Variants in KLF13 observed in about 807,000 individuals in gnomAD.
The protein encoded by KLF13 is KLF transcription factor 13.
Under a neutral mutation model 16.7 loss-of-function variants are expected in KLF13, and 8 were observed. The observed-to-expected ratio is 0.48, with a 90% CI of 0.28 to 0.87. The LOEUF is 0.87. Ranked by LOEUF, KLF13 falls within the 40% of genes least tolerant of loss-of-function variation. The pLI, the probability that KLF13 is intolerant of heterozygous loss-of-function variation, is 0.10. For synonymous variants in KLF13, 245 were observed against 208.4 expected, an observed-to-expected ratio of 1.18 and a Z score of -1.51; for missense variants, 447 against 452.2, an observed-to-expected ratio of 0.99 and a Z score of 0.10.
intron 1 of KLF13, among the ~76,000 whole-genome samples, chr15:31,328,156 A>C (rs990515863): frequency 5.4e-5 from 8 of 148,622 alleles, no homozygotes; most frequent in African/African-American, 1.7e-4. Context: ...CGCAGGCGGC[A>C]CTCGTGACGG....
At chr15:31,350,157 G>A (rs1464078304) in intron 1 of KLF13, among the ~76,000 whole-genome samples, 3 of 152,240 alleles carry the variant, frequency 2.0e-5, no homozygotes, top group Non-Finnish European at 4.4e-5. Context: ...AAGCCAATAT[G>A]CCCATTACAG....
chr15:31,387,836 T>G (rs2039811100), intron 1 of KLF13, among the ~76,000 whole-genome samples: 1 of 152,202 alleles, frequency 6.6e-6, no homozygotes, highest in African/African-American at 2.4e-5. Flanking sequence ...GACCAGCCTG[T>G]GATCAGGCTG....
At chr15:31,333,230 C>T (rs1014973090) in intron 1 of KLF13, among the ~76,000 whole-genome samples, 3 of 152,168 alleles carry the variant, frequency 2.0e-5, no homozygotes, top group Non-Finnish European at 4.4e-5. Context: ...GAAGCTAAGG[C>T]TCCAGTGCTT....
chr15:31,339,424 A>T (rs925011411), intron 1 of KLF13, among the ~76,000 whole-genome samples: 3 of 152,184 alleles, frequency 2.0e-5, no homozygotes, highest in Admixed American at 2.0e-4. Flanking sequence ...GGGGCAGCAC[A>T]GAGGACCCCC....
At chr15:31,327,926 C>G in intron 1 of KLF13, 137 bp downstream of exon 1, 2 of 1,028,002 alleles carry the variant, frequency 1.9e-6, no homozygotes, top group South Asian at 4.6e-5. Context: ...GCCCCTTCCC[C>G]TGCCGCTCCG....
upstream of KLF13, among the ~76,000 whole-genome samples, chr15:31,388,095 G>C (rs1595491075): frequency 6.6e-6 from 1 of 152,354 alleles, no homozygotes; most frequent in East Asian, 1.9e-4. Flanking sequence ...AGGAGTCGAA[G>C]TCATCTGTCC....
intron 1 of KLF13, among the ~76,000 whole-genome samples, chr15:31,329,676 A>G (rs567296083): frequency 3.3e-5 from 5 of 152,344 alleles, no homozygotes; most frequent in South Asian, 2.1e-4. Flanking sequence ...GTTTCCTCGG[A>G]GCGCCTGGAA....
chr15:31,384,822 A>T (rs1353718122), intron 1 of KLF13, among the ~76,000 whole-genome samples: 1 of 152,210 alleles, frequency 6.6e-6, no homozygotes, highest in Non-Finnish European at 1.5e-5. Context: ...GCACCACAAA[A>T]GCAAGCTGCT....
chr15:31,399,131 G>A (rs1156812824), intron 2 of KLF13, among the ~76,000 whole-genome samples: 1 of 152,192 alleles, frequency 6.6e-6, no homozygotes, highest in Non-Finnish European at 1.5e-5. Context: ...TCTGAGAGGA[G>A]CTGAGCTCCC....
intron 1 of KLF13, among the ~76,000 whole-genome samples, chr15:31,335,191 A>C (rs1472808792): frequency 4.6e-5 from 7 of 152,110 alleles, no homozygotes; most frequent in Non-Finnish European, 1.0e-4. Context: ...GTTCAGTTTT[A>C]GATCTTAGGT....
intron 1 of KLF13, among the ~76,000 whole-genome samples, chr15:31,414,621 A>G (rs144900063): frequency 2.4e-4 from 37 of 152,364 alleles, no homozygotes; most frequent in African/African-American, 8.2e-4. Flanking sequence ...GTTGCTGGAC[A>G]TCAGTGGGAA....
Position 31,401,489 on chromosome 15 carries a change from A to G in KLF13, n.530-1939A>G, listed in dbSNP as rs555875966. Among the ~76,000 whole-genome samples the G allele has an allele frequency of 2.0e-5, 3 of 152,310 alleles. No homozygotes were observed. In the South Asian group the frequency reaches 6.2e-4, roughly 32 times the overall value. On this transcript the variant is annotated intron_variant and non_coding_transcript_variant, in intron 2 of 2. Transcript: ENST00000500533. ...GCCTGCTTTGAGGGGAGCAGGGGTC[A>G]AGGGTGTGCCTAAGGCTTGCATCCC... is the stretch of plus-strand genomic sequence containing the variant.
At chr15:31,355,079 G>A (rs963047023) in intron 1 of KLF13, among the ~76,000 whole-genome samples, 1 of 152,114 alleles carries the variant, frequency 6.6e-6, no homozygotes, top group African/African-American at 2.4e-5. Flanking sequence ...CCTCAGCCTC[G>A]AGTTATAACT....
chr15:31,354,271 C>G (rs1404320196), intron 1 of KLF13, among the ~76,000 whole-genome samples: 1 of 152,250 alleles, frequency 6.6e-6, no homozygotes, highest in African/African-American at 2.4e-5. Context: ...TGCTGGTGAG[C>G]AGGCCTGGGG....
chr15:31,371,311 A>C (rs1045059603), intron 1 of KLF13, among the ~76,000 whole-genome samples: 7 of 152,086 alleles, frequency 4.6e-5, no homozygotes, highest in African/African-American at 1.7e-4. Flanking sequence ...CCCTACCGGC[A>C]CAGGCCCCTA....
chr15:31,363,316 T>C lies in KLF13; in HGVS notation c.578-8694T>C, dbSNP rs141617050. 1.2e-3 allele frequency among the ~76,000 whole-genome samples: 177 copies of C among 152,388 alleles called. 2 individuals carry two copies. The East Asian group carries it at 0.019, about 16-fold the overall frequency. ...TGAATGGGCTTTGCCCATTTTTCTGTTGGATATTTTTCTTTTTAAAATTCC... is the reference window on the plus strand; with the variant it reads ...TGAATGGGCTTTGCCCATTTTTCTGCTGGATATTTTTCTTTTTAAAATTCC... On this transcript the variant is annotated intron_variant, in intron 1 of 1. Transcript: ENST00000307145.
At chr15:31,367,814 T>G (rs1002828413) in intron 1 of KLF13, among the ~76,000 whole-genome samples, 12 of 152,224 alleles carry the variant, frequency 7.9e-5, no homozygotes, top group African/African-American at 2.9e-4. Flanking sequence ...GATCACTGTA[T>G]GGACCCCCCG....
At chr15:31,387,216 C>T (rs192153123) in intron 1 of KLF13, among the ~76,000 whole-genome samples, 4 of 152,282 alleles carry the variant, frequency 2.6e-5, no homozygotes, top group Admixed American at 6.5e-5. Context: ...CAGAGAAGTC[C>T]ATCACTAAAA....
At chr15:31,406,143 C>T (rs1184394266), downstream of KLF13, among the ~76,000 whole-genome samples, 1 of 152,182 alleles carries the variant, frequency 6.6e-6, no homozygotes, top group Non-Finnish European at 1.5e-5. Context: ...AAGAGTCTGA[C>T]AGGGCAGGTG....
Sources: allele counts gnomAD v4.1 joint callset (sites outside exome capture counted in the v4.1 genomes callset), GRCh38; gene constraint gnomAD v4.1.1; transcripts MANE v1.5; gene names NCBI Gene and HGNC (gene_info 2026-07-23, HGNC 2026-07-21).